PDE7B: variants seen among roughly 807,000 people sequenced by gnomAD.
PDE7B encodes the protein 3',5'-cyclic-AMP phosphodiesterase 7B.
In PDE7B, 29 loss-of-function variants were observed where a neutral mutation model predicts 56.2. The observed-to-expected ratio is 0.52, with a 90% CI of 0.38 to 0.70. The LOEUF (loss-of-function observed/expected upper bound fraction) is 0.70, where lower values mean the gene tolerates loss of function less well. Ranked by LOEUF, PDE7B falls within the 30% of genes least tolerant of loss-of-function variation. The probability of loss-of-function intolerance (pLI) is 0.00; values close to 1 mark genes in which losing one functional copy is unlikely to be tolerated. For synonymous variants in PDE7B, 197 were observed against 196.9 expected, an observed-to-expected ratio of 1.00 and a Z score of 0.00; for missense variants, 490 against 565.0, an observed-to-expected ratio of 0.87 and a Z score of 1.35.
Position 136,193,814 on chromosome 6 carries a change from CA to C in PDE7B, c.*1975del, listed in dbSNP as rs1002767395. On this transcript the variant is annotated 3_prime_UTR_variant, in exon 13 of 13. Transcript: ENST00000308191. ...GACTGAGGCTTGCAGAATTAAGGTT[CA>C]GGGGAAATTTTGGAAAGTTGGTTGT... 6.6e-6 allele frequency: 1 copy of C among 152,076 alleles called. No homozygotes were observed. Among genetic ancestry groups the C allele is most frequent in the African/African-American group, 2.4e-5 (1 of 41,394 alleles). The allele number at this position is 152,076 out of a possible 1,614,324, so 9.4% of individuals were successfully genotyped here. A position where few individuals can be genotyped will look rare whatever the true frequency, so the allele number is the denominator to read the frequency against.
intron 2 of PDE7B, among the ~76,000 whole-genome samples, chr6:136,022,366 G>T (rs906465437): frequency 6.6e-6 from 1 of 152,160 alleles, no homozygotes; most frequent in Admixed American, 6.5e-5. Context: ...CCCACAGACG[G>T]TGCTTAGTGT....
intron 2 of PDE7B, among the ~76,000 whole-genome samples, chr6:136,091,214 C>T (rs1217372569): frequency 6.6e-6 from 1 of 152,124 alleles, no homozygotes; most frequent in Non-Finnish European, 1.5e-5. Flanking sequence ...TCACTCCTGC[C>T]CAATTAAATC....
intron 8 of PDE7B, among the ~76,000 whole-genome samples, chr6:136,159,540 C>T (rs1192834477): frequency 6.6e-6 from 1 of 152,158 alleles, no homozygotes; most frequent in African/African-American, 2.4e-5. Context: ...GGGCCAAGGT[C>T]TTGTTTAGGG....
intron 1 of PDE7B, among the ~76,000 whole-genome samples, chr6:135,932,420 A>G (rs1254974240): frequency 6.6e-6 from 1 of 152,202 alleles, no homozygotes; most frequent in South Asian, 2.1e-4. Context: ...TACACCCCAT[A>G]GATGTATACA....
At chr6:135,946,885 A>C (rs1774604712) in intron 1 of PDE7B, among the ~76,000 whole-genome samples, 1 of 152,130 alleles carries the variant, frequency 6.6e-6, no homozygotes, top group Non-Finnish European at 1.5e-5. Context: ...CTTGCACAAA[A>C]GTTTTAACAA....
chr6:136,084,487 G>C (rs772588278), intron 2 of PDE7B, among the ~76,000 whole-genome samples: 2 of 152,168 alleles, frequency 1.3e-5, no homozygotes, highest in African/African-American at 2.4e-5. Flanking sequence ...CAGCCCAGTA[G>C]CAGTAAAAAT....
intron 1 of PDE7B, among the ~76,000 whole-genome samples, chr6:135,909,282 G>A (rs932263532): frequency 2.6e-5 from 4 of 152,044 alleles, no homozygotes; most frequent in East Asian, 3.9e-4. Context: ...ATCTTCTTTC[G>A]TGCCCTGAAG....
At chr6:136,142,708 GCTTT>G (rs1416470404) in intron 3 of PDE7B, among the ~76,000 whole-genome samples, 5 of 152,162 alleles carry the variant, frequency 3.3e-5, no homozygotes, top group Non-Finnish European at 5.9e-5. Context: ...TTATGTAATG[GCTTT>G]CTTTGTCTCT....
chr6:136,037,481 C>T (rs1776342651), intron 2 of PDE7B: 1 of 985,378 alleles, frequency 1.0e-6, no homozygotes, highest in Non-Finnish European at 1.2e-6. Flanking sequence ...AGTGATCAAA[C>T]TGAGGCACTG....
chr6:136,046,547 C>T (rs1159150981), intron 2 of PDE7B, among the ~76,000 whole-genome samples: 1 of 152,214 alleles, frequency 6.6e-6, no homozygotes, highest in Non-Finnish European at 1.5e-5. Context: ...GTTTCTCCTG[C>T]ACACGCCTGA....
At chr6:135,971,244 C>T (rs929013519) in intron 2 of PDE7B, among the ~76,000 whole-genome samples, 1 of 152,116 alleles carries the variant, frequency 6.6e-6, no homozygotes, top group Non-Finnish European at 1.5e-5. Flanking sequence ...AGGCAGTCAT[C>T]GACAAGCCAA....
At chr6:136,137,228 C>T (rs375428155) in intron 3 of PDE7B, among the ~76,000 whole-genome samples, 48 of 151,880 alleles carry the variant, frequency 3.2e-4, no homozygotes, top group South Asian at 1.9e-3. Flanking sequence ...TGTGAACAGC[C>T]ACCACACTCC....
At chr6:136,182,869 C>T (rs556937778) in intron 11 of PDE7B, among the ~76,000 whole-genome samples, 78 of 152,080 alleles carry the variant, frequency 5.1e-4, no homozygotes, top group Middle Eastern at 6.8e-3. Context: ...AGGTCAGGAA[C>T]TTGAAACCAG....
At chr6:135,988,078 T>A (rs1394443113) in intron 2 of PDE7B, among the ~76,000 whole-genome samples, 1 of 152,138 alleles carries the variant, frequency 6.6e-6, no homozygotes, top group African/African-American at 2.4e-5. Context: ...AAAAGCAGAA[T>A]GGTATTTAGA....
At position 135,935,127 on chromosome 6, in the gene PDE7B, T is replaced by C. The variant is rs1364904107; in HGVS notation, c.22-12337T>C. ...TCTATATATTTTATATAGAGAGAGA[T>C]GAAGTATATATTTATATATAAATAA... On this transcript the variant is annotated intron_variant, in intron 1 of 12. Transcript: ENST00000308191. Among the ~76,000 whole-genome samples the C allele has an allele frequency of 5.2e-5, 5 of 95,970 alleles. No homozygotes were observed. The East Asian group carries it at 1.5e-3, about 30-fold the overall frequency. 63.0% of individuals were successfully genotyped at this position (95,970 alleles called of 152,430 possible).
chr6:136,106,269 G>C (rs1410042888), intron 2 of PDE7B, among the ~76,000 whole-genome samples: 1 of 152,140 alleles, frequency 6.6e-6, no homozygotes, highest in Non-Finnish European at 1.5e-5. Context: ...AAGTCAGTGA[G>C]TCTATCATTT....
At position 136,070,741 on chromosome 6, in the gene PDE7B, T is replaced by C. The variant is rs570760207; in HGVS notation, c.83-37990T>C. 1.6e-4 allele frequency among the ~76,000 whole-genome samples: 24 copies of C among 152,340 alleles called. No homozygotes were observed. The South Asian group carries it at 4.3e-3, about 28-fold the overall frequency. On this transcript the variant is annotated intron_variant, in intron 2 of 12. Transcript: ENST00000308191. ...TTAATAATTTGCAACATATTGACTT[T>C]TTTATTATGACCAAACTAAAATACC...
intron 1 of PDE7B, among the ~76,000 whole-genome samples, chr6:135,911,699 A>G (rs1032126744): frequency 2.6e-5 from 4 of 152,218 alleles, no homozygotes; most frequent in Non-Finnish European, 4.4e-5. Context: ...GAAAACCACA[A>G]AAGTCCAAAT....
chr6:136,099,165 C>T (rs1777520996), intron 2 of PDE7B, among the ~76,000 whole-genome samples: 1 of 152,060 alleles, frequency 6.6e-6, no homozygotes, highest in Non-Finnish European at 1.5e-5. Context: ...TTTCTTTATC[C>T]AGTCTGTTAT....
Sources: gnomAD v4.1 joint callset for allele counts (sites outside exome capture counted in the v4.1 genomes callset) on GRCh38, gnomAD v4.1.1 for gene constraint, MANE v1.5 for transcripts, NCBI Gene and HGNC (gene_info 2026-07-23, HGNC 2026-07-21) for gene names.